The following FILIP1 variants were observed in gnomAD, a reference collection of about 807,000 sequenced individuals.
FILIP1 encodes filamin-A-interacting protein 1.
In FILIP1, 61 loss-of-function variants were observed where a neutral mutation model predicts 102.1. That is an observed-to-expected ratio of 0.60 (90% CI 0.49 to 0.74). The LOEUF (loss-of-function observed/expected upper bound fraction) is 0.74, where lower values mean the gene tolerates loss of function less well. Among genes scored for constraint, FILIP1 ranks in the 30% least tolerant of loss-of-function variants. The pLI, the probability that FILIP1 is intolerant of heterozygous loss-of-function variation, is 0.00. For synonymous variants in FILIP1, 491 were observed against 526.9 expected, an observed-to-expected ratio of 0.93 and a Z score of 0.93; for missense variants, 1,314 against 1,441.2, an observed-to-expected ratio of 0.91 and a Z score of 1.43.
At chr6:75,452,036 A>G (rs1272297509) in intron 1 of FILIP1, among the ~76,000 whole-genome samples, 4 of 151,998 alleles carry the variant, frequency 2.6e-5, no homozygotes, top group African/African-American at 9.7e-5. Context: ...AACTTCTGGG[A>G]ATTTATCCTT....
At chr6:75,491,393 C>A (rs1779952557) in intron 1 of FILIP1, among the ~76,000 whole-genome samples, 1 of 152,074 alleles carries the variant, frequency 6.6e-6, no homozygotes, top group Middle Eastern at 3.2e-3. Context: ...TTTCAAAATA[C>A]CCAGCCTAGG....
chr6:75,306,757 C>CT (rs985106006), downstream of FILIP1, among the ~76,000 whole-genome samples: 50 of 150,984 alleles, frequency 3.3e-4, no homozygotes, highest in African/African-American at 9.8e-4. Flanking sequence ...CTTTTTTTTC[C>CT]TTTTTTATTT....
intron 1 of FILIP1, among the ~76,000 whole-genome samples, chr6:75,476,464 G>A (rs1779477947): frequency 6.6e-6 from 1 of 152,054 alleles, no homozygotes; most frequent in Admixed American, 6.6e-5. Flanking sequence ...GAACAAAACT[G>A]AACAAACAAG....
intron 2 of FILIP1, among the ~76,000 whole-genome samples, chr6:75,389,897 C>G (rs1360681473): frequency 6.6e-6 from 1 of 152,100 alleles, no homozygotes; most frequent in African/African-American, 2.4e-5. Flanking sequence ...CAAGTAAACT[C>G]CCATCAGTTC....
intron 6 of FILIP1, among the ~76,000 whole-genome samples, chr6:75,302,124 C>T (rs375844292): frequency 3.3e-5 from 5 of 152,102 alleles, no homozygotes; most frequent in Admixed American, 1.3e-4. Flanking sequence ...GCTCTCAGGC[C>T]CCTTTCTTCA....
intron 1 of FILIP1, among the ~76,000 whole-genome samples, chr6:75,430,744 T>G (rs924730426): frequency 2.0e-5 from 3 of 152,208 alleles, no homozygotes; most frequent in Non-Finnish European, 4.4e-5. Flanking sequence ...CCTGAATAAC[T>G]GCTAAGATCA....
chr6:75,362,067 A>G (rs1053703415), intron 3 of FILIP1: 1 of 152,328 alleles, frequency 6.6e-6, no homozygotes, highest in African/African-American at 2.4e-5. Context: ...CATGACACTA[A>G]TTTCACAACT....
intron 2 of FILIP1, among the ~76,000 whole-genome samples, chr6:75,393,339 CATAA>C (rs994380963): frequency 4.6e-5 from 7 of 151,750 alleles, no homozygotes; most frequent in African/African-American, 1.7e-4. Context: ...TTCAGATCAC[CATAA>C]ATAATGAAAA....
intron 2 of FILIP1, among the ~76,000 whole-genome samples, chr6:75,371,329 C>A (rs1327574932): frequency 6.6e-6 from 1 of 152,154 alleles, no homozygotes; most frequent in Non-Finnish European, 1.5e-5. Flanking sequence ...GACTGAATAT[C>A]CACCAAAAGA....
chr6:75,392,733 G>T (rs896330898), intron 2 of FILIP1, among the ~76,000 whole-genome samples: 4 of 152,116 alleles, frequency 2.6e-5, no homozygotes, highest in African/African-American at 9.7e-5. Flanking sequence ...TGTGTTGTGG[G>T]AGGGACCCAG....
intron 2 of FILIP1, among the ~76,000 whole-genome samples, chr6:75,414,455 T>C (rs566918902): frequency 3.9e-5 from 6 of 152,300 alleles, no homozygotes; most frequent in East Asian, 1.9e-4. Flanking sequence ...AATCATATAA[T>C]GAAGAAATTT....
chr6:75,380,493 G>C (rs1775878969), intron 2 of FILIP1, among the ~76,000 whole-genome samples: 1 of 152,126 alleles, frequency 6.6e-6, no homozygotes, highest in African/African-American at 2.4e-5. Context: ...TTGCAAGTGA[G>C]AGTTTGATAA....
intron 1 of FILIP1, among the ~76,000 whole-genome samples, chr6:75,436,304 A>C (rs1778017770): frequency 6.6e-6 from 1 of 151,780 alleles, no homozygotes; most frequent in South Asian, 2.1e-4. Context: ...TGGGAGGCCA[A>C]GGTTGCAGTG....
intron 2 of FILIP1, among the ~76,000 whole-genome samples, chr6:75,406,167 C>G (rs917281199): frequency 6.6e-6 from 1 of 152,176 alleles, no homozygotes; most frequent in Admixed American, 6.5e-5. Flanking sequence ...ACTTCTACAT[C>G]GCTCTACTCC....
chr6:75,446,536 TGG>T (rs1778446727), intron 1 of FILIP1, among the ~76,000 whole-genome samples: 2 of 152,150 alleles, frequency 1.3e-5, no homozygotes, highest in East Asian at 1.9e-4. Flanking sequence ...TGCACCTCAG[TGG>T]TTTCAAATCC....
intron 1 of FILIP1, among the ~76,000 whole-genome samples, chr6:75,443,252 TC>T (rs1340615242): frequency 6.6e-6 from 1 of 152,168 alleles, no homozygotes; most frequent in Non-Finnish European, 1.5e-5. Flanking sequence ...TGTAACATAA[TC>T]AAGCCAAAAC....
At chr6:75,396,098 C>A (rs1776451654) in intron 2 of FILIP1, among the ~76,000 whole-genome samples, 1 of 151,520 alleles carries the variant, frequency 6.6e-6, no homozygotes, top group Non-Finnish European at 1.5e-5. Context: ...AAAAAGAATA[C>A]TCTCCAATAA....
At chr6:75,298,023 A>T (rs1772731632) in intron 6 of FILIP1, among the ~76,000 whole-genome samples, 1 of 152,172 alleles carries the variant, frequency 6.6e-6, no homozygotes, top group Non-Finnish European at 1.5e-5. Flanking sequence ...GATTAAGGCA[A>T]TTTAGAGTTG....
At chr6:75,491,234 G>C (rs1236176613) in intron 1 of FILIP1, among the ~76,000 whole-genome samples, 7 of 152,092 alleles carry the variant, frequency 4.6e-5, no homozygotes, top group Admixed American at 4.6e-4. Flanking sequence ...GAGAATAAAA[G>C]CTGGGGCAAA....
Sources: gnomAD v4.1 joint callset for allele counts (sites outside exome capture counted in the v4.1 genomes callset) on GRCh38, gnomAD v4.1.1 for gene constraint, MANE v1.5 for transcripts, NCBI Gene and HGNC (gene_info 2026-07-23, HGNC 2026-07-21) for gene names.